GARRE1: variants seen among roughly 807,000 people sequenced by gnomAD.
GARRE1 encodes the protein granule associated Rac and RHOG effector protein 1.
Under a neutral mutation model 103.2 loss-of-function variants are expected in GARRE1, and 49 were observed. That is an observed-to-expected ratio of 0.47 (90% CI 0.38 to 0.60). GARRE1 has a LOEUF of 0.60. Among genes scored for constraint, GARRE1 ranks in the 20% least tolerant of loss-of-function variants. GARRE1 has a pLI of 0.00. For synonymous variants in GARRE1, 505 were observed against 532.8 expected (o/e 0.95, Z 0.72); for missense variants, 1,199 against 1,370.5 (o/e 0.87, Z 1.98).
intron 10 of GARRE1, among the ~76,000 whole-genome samples, chr19:34,344,854 T>TA (rs1300201070): frequency 2.6e-5 from 4 of 151,442 alleles, no homozygotes; most frequent in East Asian, 2.0e-4. Context: ...TTTTTTTTTT[T>TA]TATACGGAGT....
intron 1 of GARRE1, among the ~76,000 whole-genome samples, chr19:34,280,388 A>G (rs992062521): frequency 2.0e-5 from 3 of 152,174 alleles, no homozygotes; most frequent in Non-Finnish European, 4.4e-5. Flanking sequence ...GCAAAAGTCT[A>G]TTCAAGTCCT....
chr19:34,265,783 C>T (rs935148589), intron 1 of GARRE1, among the ~76,000 whole-genome samples: 8 of 152,164 alleles, frequency 5.3e-5, no homozygotes, highest in African/African-American at 1.4e-4. Flanking sequence ...CTTTCATTTA[C>T]GGAGACTGAG....
intron 2 of GARRE1, among the ~76,000 whole-genome samples, chr19:34,301,910 C>T (rs1292951566): frequency 1.3e-5 from 2 of 149,666 alleles, no homozygotes; most frequent in African/African-American, 4.9e-5. Flanking sequence ...GTCTCGATCT[C>T]CTGACCTTGT....
intron 1 of GARRE1, among the ~76,000 whole-genome samples, chr19:34,287,765 T>C (rs1013544316): frequency 6.6e-6 from 1 of 152,166 alleles, no homozygotes; most frequent in African/African-American, 2.4e-5. Context: ...ACTTACCATG[T>C]TCTCATATGG....
At chr19:34,319,331 A>G (rs886346318) in intron 2 of GARRE1, among the ~76,000 whole-genome samples, 1 of 152,198 alleles carries the variant, frequency 6.6e-6, no homozygotes, top group African/African-American at 2.4e-5. Context: ...GCTGTCCATT[A>G]TATTTTCTTG....
chr19:34,297,324 C>A (rs1161099385), intron 1 of GARRE1, among the ~76,000 whole-genome samples: 1 of 152,028 alleles, frequency 6.6e-6, no homozygotes, highest in East Asian at 1.9e-4. Flanking sequence ...TGTGTTGAAT[C>A]TGTAGATGAA....
intron 12 of GARRE1, among the ~76,000 whole-genome samples, chr19:34,350,122 A>T (rs2074229489): frequency 6.6e-6 from 1 of 152,208 alleles, no homozygotes. Flanking sequence ...AAAGCAGGGT[A>T]TGAGGGTAGT....
chr19:34,306,476 C>G (rs1046620523), intron 2 of GARRE1, among the ~76,000 whole-genome samples: 5 of 152,210 alleles, frequency 3.3e-5, no homozygotes, highest in Non-Finnish European at 7.3e-5. Context: ...TGGTTGCTGA[C>G]TGTGTGCTCT....
At chr19:34,275,331 C>T (rs2073810904) in intron 1 of GARRE1, among the ~76,000 whole-genome samples, 1 of 152,072 alleles carries the variant, frequency 6.6e-6, no homozygotes, top group Admixed American at 6.6e-5. Flanking sequence ...CAACCATCAT[C>T]AATTTTAGAA....
At chr19:34,306,903 G>C (rs1386161148) in intron 2 of GARRE1, among the ~76,000 whole-genome samples, 1 of 152,032 alleles carries the variant, frequency 6.6e-6, no homozygotes, top group Non-Finnish European at 1.5e-5. Context: ...TAGCTAGAAG[G>C]GAGTTTCGAT....
Position 34,302,292 on chromosome 19 carries a change from G to GTTTTT in GARRE1, c.495+1340_495+1344dup, listed in dbSNP as rs397786603. ...CAGGCAGGAGCCACCGCGCCCAGCC[G>GTTTTT]TTTTTTTTTTTTTTTTTTTTGAGAC... On this transcript the variant is annotated intron_variant, in intron 2 of 13. Coordinates refer to ENST00000299505, the MANE Select transcript of GARRE1 (RefSeq NM_014686.5). Among the ~76,000 whole-genome samples, 48 of 92,048 alleles carry GTTTTT rather than the reference G, an allele frequency of 5.2e-4. 1 individual carries two copies. Among genetic ancestry groups the GTTTTT allele is most frequent in the Non-Finnish European group, 6.1e-4 (32 of 52,850 alleles). The allele number at this position is 92,048 out of a possible 152,430, so 60.4% of individuals were successfully genotyped here. A position where few individuals can be genotyped will look rare whatever the true frequency, so the allele number is the denominator to read the frequency against.
intron 2 of GARRE1, among the ~76,000 whole-genome samples, chr19:34,318,488 C>G (rs1303137099): frequency 6.6e-6 from 1 of 152,220 alleles, no homozygotes; most frequent in African/African-American, 2.4e-5. Context: ...CAGGTCCACT[C>G]CTGCTCAGCT....
intron 1 of GARRE1, among the ~76,000 whole-genome samples, chr19:34,276,401 T>C (rs1373770072): frequency 2.0e-5 from 3 of 152,098 alleles, no homozygotes; most frequent in Admixed American, 6.6e-5. Context: ...CCTGAAACTT[T>C]AAAGGAACAA....
intron 1 of GARRE1, among the ~76,000 whole-genome samples, chr19:34,257,014 A>G (rs1291337845): frequency 6.6e-6 from 1 of 152,166 alleles, no homozygotes; most frequent in African/African-American, 2.4e-5. Flanking sequence ...GGCATTTGAG[A>G]TTCTAATCTT....
At chr19:34,308,152 G>T (rs1477180068) in intron 2 of GARRE1, among the ~76,000 whole-genome samples, 3 of 150,320 alleles carry the variant, frequency 2.0e-5, no homozygotes, top group Non-Finnish European at 4.4e-5. Flanking sequence ...AAATATTGTA[G>T]AGTAACAATA....
At chr19:34,296,726 C>A in intron 1 of GARRE1, 1 of 691,242 alleles carries the variant, frequency 1.4e-6, no homozygotes, top group South Asian at 1.6e-5. Flanking sequence ...TGGTATGGTT[C>A]TTGGACTTGG....
chr19:34,284,548 T>C (rs16969156), intron 1 of GARRE1, among the ~76,000 whole-genome samples: 14,795 of 152,260 alleles, frequency 0.097, 1,138 homozygotes, highest in African/African-American at 0.2. Context: ...TGTGGAGAAC[T>C]TTTGCAAATT....
rs2073968129 is a variant in GARRE1, at chr19:34,299,982, T to C, written c.-492T>C. ...TTCTGCAGAAGTTTGATCTTCCTTCTTAAGGACTTTGTGTGAAGTAATTCT... is the reference window on the plus strand; with the variant it reads ...TTCTGCAGAAGTTTGATCTTCCTTCCTAAGGACTTTGTGTGAAGTAATTCT... On this transcript the variant is annotated 5_prime_UTR_variant, in exon 2 of 14. Coordinates refer to ENST00000299505, the MANE Select transcript of GARRE1 (RefSeq NM_014686.5). The C allele has an allele frequency of 6.6e-6, 1 of 152,614 alleles. No individual in the cohort carries two copies. Among genetic ancestry groups the C allele is most frequent in the Non-Finnish European group, 1.5e-5 (1 of 68,322 alleles). The allele number at this position is 152,614 out of a possible 1,614,324, so 9.5% of individuals were successfully genotyped here.
At chr19:34,349,194 A>G (rs745918298) in intron 12 of GARRE1, 41 bp downstream of exon 12, 5 of 1,601,068 alleles carry the variant, frequency 3.1e-6, no homozygotes, top group Non-Finnish European at 3.4e-6. Context: ...AGAGAAGGGC[A>G]TGTGAATGCA....
Sources: allele counts gnomAD v4.1 joint callset (sites outside exome capture counted in the v4.1 genomes callset), GRCh38; gene constraint gnomAD v4.1.1; transcripts MANE v1.5; gene names NCBI Gene and HGNC (gene_info 2026-07-23, HGNC 2026-07-21).